Variants in AGBL4 observed in about 807,000 individuals in gnomAD.
AGBL4 encodes cytosolic carboxypeptidase 6.
AGBL4 carries 58 observed loss-of-function variants against 66.4 expected under a neutral mutation model. The ratio of observed to expected loss-of-function variants is 0.87; its 90% confidence interval spans 0.71 to 1.09. The LOEUF (loss-of-function observed/expected upper bound fraction) is 1.09, where lower values mean the gene tolerates loss of function less well. Ranked by LOEUF, AGBL4 falls within the 50% of genes least tolerant of loss-of-function variation. AGBL4 has a pLI of 0.00. For synonymous variants in AGBL4, 234 were observed against 222.9 expected (o/e 1.05, Z -0.44); for missense variants, 579 against 631.0 (o/e 0.92, Z 0.88).
chr1:48,950,931 C>CT (rs1656925191), intron 5 of AGBL4, among the ~76,000 whole-genome samples: 1 of 152,124 alleles, frequency 6.6e-6, no homozygotes, highest in Non-Finnish European at 1.5e-5. Context: ...TACTTATAGC[C>CT]TTAATATAAC....
At chr1:49,781,063 C>T (rs1259696909) in intron 2 of AGBL4, among the ~76,000 whole-genome samples, 2 of 152,008 alleles carry the variant, frequency 1.3e-5, no homozygotes. Flanking sequence ...GCTGGAGTTG[C>T]TATACTAATA....
At chr1:49,161,251 G>A (rs1000032701) in intron 4 of AGBL4, among the ~76,000 whole-genome samples, 3 of 152,174 alleles carry the variant, frequency 2.0e-5, no homozygotes, top group Non-Finnish European at 4.4e-5. Context: ...ATCTGGAGCC[G>A]AGTACATGGT....
At chr1:49,263,806 C>T (rs937438593) in intron 3 of AGBL4, among the ~76,000 whole-genome samples, 2 of 152,028 alleles carry the variant, frequency 1.3e-5, no homozygotes, top group African/African-American at 2.4e-5. Flanking sequence ...ACAAATTTTG[C>T]CCATTGTATA....
chr1:48,833,586 G>C (rs1317125169), intron 6 of AGBL4, among the ~76,000 whole-genome samples: 3 of 152,142 alleles, frequency 2.0e-5, no homozygotes, highest in Non-Finnish European at 4.4e-5. Flanking sequence ...GTTTAGAAGA[G>C]AACACCAAGG....
chr1:49,619,427 T>C (rs1433193918), intron 3 of AGBL4, among the ~76,000 whole-genome samples: 1 of 152,106 alleles, frequency 6.6e-6, no homozygotes, highest in Non-Finnish European at 1.5e-5. Context: ...GTGAAGGACC[T>C]CTTCAAGGAG....
At chr1:48,771,688 G>C (rs545760247) in intron 6 of AGBL4, among the ~76,000 whole-genome samples, 1 of 152,128 alleles carries the variant, frequency 6.6e-6, no homozygotes, top group African/African-American at 2.4e-5. Context: ...CTGATGACAC[G>C]CAACAATCTT....
At chr1:48,829,724 A>C (rs1646507373) in intron 6 of AGBL4, among the ~76,000 whole-genome samples, 1 of 152,074 alleles carries the variant, frequency 6.6e-6, no homozygotes, top group Non-Finnish European at 1.5e-5. Context: ...CAGGAAAAAA[A>C]AAACCCACAA....
At chr1:49,108,547 G>C (rs2148015237) in intron 4 of AGBL4, among the ~76,000 whole-genome samples, 1 of 152,258 alleles carries the variant, frequency 6.6e-6, no homozygotes, top group African/African-American at 2.4e-5. Flanking sequence ...ACTACTTTCT[G>C]CAAGTAATGG....
rs552181219 is a variant in AGBL4, at chr1:49,113,298, G to A, written c.378-67498C>T. Among the ~76,000 whole-genome samples the A allele has an allele frequency of 6.1e-4, 92 of 151,012 alleles. No individual in the cohort carries two copies. The South Asian group carries it at 6.7e-3, about 11-fold the overall frequency. On this transcript the variant is annotated intron_variant, in intron 4 of 13. Transcript: ENST00000371839. ...TTTGCTCTGTCACCCAGGCTGGAGC[G>A]CAGTGGTGTGATCTCAGCTCACTGC...
intron 5 of AGBL4, among the ~76,000 whole-genome samples, chr1:48,956,010 T>C (rs1348941001): frequency 6.6e-6 from 1 of 152,248 alleles, no homozygotes; most frequent in Non-Finnish European, 1.5e-5. Context: ...TAATTGGATC[T>C]GGCCTTTCCT....
chr1:49,669,544 T>C (rs1043036149), intron 3 of AGBL4, among the ~76,000 whole-genome samples: 3 of 138,828 alleles, frequency 2.2e-5, no homozygotes, highest in Admixed American at 6.9e-5. Context: ...AGGAACCAGC[T>C]TTTTTTGTTC....
intron 2 of AGBL4, among the ~76,000 whole-genome samples, chr1:49,725,343 T>C (rs1405386528): frequency 6.6e-6 from 1 of 152,188 alleles, no homozygotes; most frequent in Non-Finnish European, 1.5e-5. Flanking sequence ...TTGTTTCAAA[T>C]CTATAAAATG....
intron 5 of AGBL4, among the ~76,000 whole-genome samples, chr1:48,981,160 C>G (rs185899282): frequency 6.6e-6 from 1 of 152,280 alleles, no homozygotes; most frequent in Admixed American, 6.5e-5. Flanking sequence ...AGAATACAAT[C>G]AAGAACATCT....
chr1:49,774,611 T>A (rs1380587917), intron 2 of AGBL4, among the ~76,000 whole-genome samples: 1 of 152,246 alleles, frequency 6.6e-6, no homozygotes, highest in African/African-American at 2.4e-5. Context: ...AATTTGTGAT[T>A]CTATCTTAAT....
At chr1:49,298,389 A>G (rs1040960394) in intron 3 of AGBL4, among the ~76,000 whole-genome samples, 4 of 152,164 alleles carry the variant, frequency 2.6e-5, no homozygotes, top group Non-Finnish European at 5.9e-5. Context: ...GCTACTGCAG[A>G]GTTATTACCG....
intron 4 of AGBL4, among the ~76,000 whole-genome samples, chr1:49,141,023 G>A (rs1428617362): frequency 6.6e-6 from 1 of 152,008 alleles, no homozygotes; most frequent in African/African-American, 2.4e-5. Flanking sequence ...AAAATCAAGA[G>A]GGAAACTCAG....
chr1:49,782,598 C>T (rs1557441506), intron 2 of AGBL4, among the ~76,000 whole-genome samples: 1 of 152,106 alleles, frequency 6.6e-6, no homozygotes, highest in Non-Finnish European at 1.5e-5. Flanking sequence ...TAAATGTGTT[C>T]CCCCAAAAAG....
At chr1:48,726,142 T>C (rs529693908) in intron 6 of AGBL4, among the ~76,000 whole-genome samples, 1 of 152,226 alleles carries the variant, frequency 6.6e-6, no homozygotes, top group East Asian at 1.9e-4. Context: ...CTTGAATATA[T>C]GCATCAAACA....
chr1:49,822,412 T>A (rs1179611084), intron 2 of AGBL4, among the ~76,000 whole-genome samples: 2 of 151,790 alleles, frequency 1.3e-5, no homozygotes, highest in Non-Finnish European at 2.9e-5. Flanking sequence ...CACTGCAACC[T>A]CCACCTCCTG....
Sources: gnomAD v4.1 joint callset for allele counts (sites outside exome capture counted in the v4.1 genomes callset) on GRCh38, gnomAD v4.1.1 for gene constraint, MANE v1.5 for transcripts, NCBI Gene and HGNC (gene_info 2026-07-23, HGNC 2026-07-21) for gene names.